The following LRP2BP variants were observed in gnomAD, a reference collection of about 807,000 sequenced individuals.
LRP2BP encodes the protein LRP2 binding protein.
Under a neutral mutation model 45.2 loss-of-function variants are expected in LRP2BP, and 38 were observed. The observed-to-expected ratio is 0.84, with a 90% CI of 0.65 to 1.10. LRP2BP has a LOEUF of 1.10. LRP2BP is among the 50% of genes least tolerant of loss of function. The pLI, the probability that LRP2BP is intolerant of heterozygous loss-of-function variation, is 0.00. For missense variants in LRP2BP, 385 were observed against 418.9 expected (o/e 0.92, Z 0.71); for synonymous variants, 153 against 153.9 (o/e 0.99, Z 0.04).
chr4:185,396,062 G>T, upstream of LRP2BP: 1 of 216,418 alleles, frequency 4.6e-6, no homozygotes. Flanking sequence ...GCACGCGGCC[G>T]GGTCCGCTCT....
At chr4:185,388,729 T>C (rs920197452) in intron 1 of LRP2BP, among the ~76,000 whole-genome samples, 1 of 152,206 alleles carries the variant, frequency 6.6e-6, no homozygotes, top group Admixed American at 6.5e-5. Flanking sequence ...TGTCTTTATA[T>C]TGTTTAAATG....
chr4:185,367,474 G>A (rs1303374692), intron 8 of LRP2BP, among the ~76,000 whole-genome samples: 1 of 152,062 alleles, frequency 6.6e-6, no homozygotes, highest in Admixed American at 6.5e-5. Flanking sequence ...TTTTATCAAT[G>A]CCAAGAATAA....
In LRP2BP at chr4:185,378,147, A is replaced by G. The variant is rs1298868802; in HGVS notation, c.40T>C (p.Tyr14His). 44 of 1,614,134 alleles carry G rather than the reference A, an allele frequency of 2.7e-5. No individual in the cohort carries two copies. The highest frequency in any genetic ancestry group is 3.6e-5 in the Non-Finnish European group (42 of 1,180,028). ...GCAGCATACTGAGATACAGAGGCATAAAAGGGGTTCTTGGGCAACTTTTCA... is the reference window on the plus strand; with the variant it reads ...GCAGCATACTGAGATACAGAGGCATGAAAGGGGTTCTTGGGCAACTTTTCA... ...TSEKLPKNPF[Y>H]ASVSQYAAKN... The change falls in exon 2 of 9, where the codon TAT becomes CAT. Residue 14 changes from tyrosine (Y) to histidine (H), a missense_variant. Coordinates refer to ENST00000505916, the MANE Select transcript of LRP2BP (RefSeq NM_001377440.1).
intron 4 of LRP2BP, 99 bp from the exon 5 acceptor site, chr4:185,374,560 C>T (rs900053151): frequency 3.3e-5 from 42 of 1,267,638 alleles, no homozygotes; most frequent in Middle Eastern, 2.4e-4. Context: ...CCCTCTGACA[C>T]GATGTATAAT....
rs189857540 is a variant in LRP2BP at position 185,368,582 on chromosome 4, C to A, written c.979-1337G>T. On this transcript the variant is annotated intron_variant, in intron 8 of 8. Coordinates refer to ENST00000505916, the MANE Select transcript of LRP2BP (RefSeq NM_001377440.1). ...GACCATTTCTGTTCCTCATATCATGCGTCATATGATATCATTCCAGACCCT... is the reference window on the plus strand; with the variant it reads ...GACCATTTCTGTTCCTCATATCATGAGTCATATGATATCATTCCAGACCCT... Among the ~76,000 whole-genome samples, 438 of 152,248 alleles carry A rather than the reference C, an allele frequency of 2.9e-3. 6 individuals are homozygous for A. Among genetic ancestry groups the A allele is most frequent in the African/African-American group, 0.01 (419 of 41,536 alleles).
In LRP2BP at chr4:185,365,860, T is replaced by C. The variant is rs542038517; in HGVS notation, c.*1320A>G. 7.2e-5 allele frequency: 11 copies of C among 152,074 alleles called. No homozygotes were observed. Among genetic ancestry groups the C allele is most frequent in the Non-Finnish European group, 1.6e-4 (11 of 67,980 alleles). The allele number at this position is 152,074 out of a possible 1,614,324, so 9.4% of individuals were successfully genotyped here. A position where few individuals can be genotyped will look rare whatever the true frequency, so the allele number is the denominator to read the frequency against. On this transcript the variant is annotated 3_prime_UTR_variant, in exon 9 of 9. Transcript: ENST00000505916. Reference sequence around the variant, plus strand: ...CATTTGAGGATATCTCAAACCCGAGTCTGTTGAAATTTCTTCCCTTACACA... The same window carrying C: ...CATTTGAGGATATCTCAAACCCGAGCCTGTTGAAATTTCTTCCCTTACACA...
At chr4:185,387,225 T>G (rs2126836282) in intron 1 of LRP2BP, among the ~76,000 whole-genome samples, 1 of 152,268 alleles carries the variant, frequency 6.6e-6, no homozygotes, top group African/African-American at 2.4e-5. Flanking sequence ...AGAGCGAGAC[T>G]CAGTCTCAAA....
At chr4:185,376,831 A>C (rs2126808258) in intron 3 of LRP2BP, 78 bp downstream of exon 3, 3 of 972,860 alleles carry the variant, frequency 3.1e-6, no homozygotes, top group Middle Eastern at 2.8e-4. Context: ...CACAGTAAGA[A>C]ACTCTACATG....
intron 5 of LRP2BP, 34 bp downstream of exon 5, chr4:185,374,285 C>T (rs1452297760): frequency 6.2e-7 from 1 of 1,613,968 alleles, no homozygotes; most frequent in African/African-American, 1.3e-5. Context: ...TCAGCATTTC[C>T]TTCAAACCTA....
chr4:185,368,264 A>G (rs1398394808), intron 8 of LRP2BP, among the ~76,000 whole-genome samples: 2 of 152,220 alleles, frequency 1.3e-5, no homozygotes, highest in African/African-American at 4.8e-5. Flanking sequence ...AGAATACATA[A>G]TGCTGGTTTC....
chr4:185,368,030 T>G (rs2095396610), intron 8 of LRP2BP, among the ~76,000 whole-genome samples: 1 of 151,818 alleles, frequency 6.6e-6, no homozygotes, highest in Non-Finnish European at 1.5e-5. Flanking sequence ...ATACAAAAAT[T>G]AGCCAGGCGT....
intron 1 of LRP2BP, among the ~76,000 whole-genome samples, chr4:185,391,410 C>T (rs2095488048): frequency 6.6e-6 from 1 of 152,154 alleles, no homozygotes; most frequent in South Asian, 2.1e-4. Context: ...TTCAAGAAGG[C>T]GTTGGAGGCG....
chr4:185,390,642 T>G (rs1033078584), intron 1 of LRP2BP: 2 of 152,198 alleles, frequency 1.3e-5, no homozygotes, highest in Non-Finnish European at 2.9e-5. Flanking sequence ...CCCAAGTGAC[T>G]GACATTCTAG....
rs1272671643 is a variant in LRP2BP, at chr4:185,395,328, T to C, written c.-571A>G. ...CTACATATGCTAACTGCAGTATTTA[T>C]GTTCAAAACTGTAAGAACGTGTCTG... On this transcript the variant is annotated 5_prime_UTR_variant, in exon 1 of 9. Coordinates refer to ENST00000505916, the MANE Select transcript of LRP2BP (RefSeq NM_001377440.1). 1.0e-6 allele frequency: 1 copy of C among 985,316 alleles called. No individual in the cohort carries two copies. Among genetic ancestry groups the C allele is most frequent in the Non-Finnish European group, 1.2e-6 (1 of 829,912 alleles). The allele number at this position is 985,316 out of a possible 1,614,324, so 61.0% of individuals were successfully genotyped here.
At chr4:185,388,834 A>C (rs1339955991) in intron 1 of LRP2BP, among the ~76,000 whole-genome samples, 1 of 152,064 alleles carries the variant, frequency 6.6e-6, no homozygotes, top group Non-Finnish European at 1.5e-5. Flanking sequence ...TGTTCCTAAG[A>C]GGAGAAAAAG....
At position 185,367,140 on chromosome 4, in the gene LRP2BP, G is replaced by A. The variant is rs2095390642; in HGVS notation, c.*40C>T. 1 of 1,483,376 alleles carries A rather than the reference G, an allele frequency of 6.7e-7. No individual in the cohort carries two copies. The highest frequency in any genetic ancestry group is 9.4e-7 in the Non-Finnish European group (1 of 1,066,350). The allele number at this position is 1,483,376 out of a possible 1,614,324, so 91.9% of individuals were successfully genotyped here. Reference sequence around the variant, plus strand: ...TACTGTAAAAATACACACATTGTGAGGTGTTAGCATTGATGATCTTTGTTG... The same window carrying A: ...TACTGTAAAAATACACACATTGTGAAGTGTTAGCATTGATGATCTTTGTTG... On this transcript the variant is annotated 3_prime_UTR_variant, in exon 9 of 9. Transcript: ENST00000505916.
At position 185,395,440 on chromosome 4, in the gene LRP2BP, T is replaced by G; in HGVS notation, c.-683A>C. ...ACGTGTTTTAAAAAGCAGTGCTTAT[T>G]GAATTGATAAACAAAAGCGAAACTG... is the stretch of plus-strand genomic sequence containing the variant. On this transcript the variant is annotated 5_prime_UTR_variant, in exon 1 of 9. Transcript: ENST00000505916. 1.0e-6 allele frequency: 1 copy of G among 985,476 alleles called. No homozygotes were observed. The highest frequency in any genetic ancestry group is 1.2e-6 in the Non-Finnish European group (1 of 829,930). 61.0% of individuals were successfully genotyped at this position (985,476 alleles called of 1,614,324 possible). A position where few individuals can be genotyped will look rare whatever the true frequency, so the allele number is the denominator to read the frequency against.
chr4:185,373,897 A>G (rs2095424425), intron 6 of LRP2BP, among the ~76,000 whole-genome samples: 1 of 152,156 alleles, frequency 6.6e-6, no homozygotes, highest in African/African-American at 2.4e-5. Context: ...CTCTTCTTTT[A>G]GCTTTGATAC....
intron 8 of LRP2BP, chr4:185,369,670 A>G: frequency 5.0e-6 from 2 of 399,746 alleles, no homozygotes; most frequent in South Asian, 3.8e-5. Context: ...TTATGTTTTA[A>G]TATGGCTTTG....
Sources: allele counts gnomAD v4.1 joint callset (sites outside exome capture counted in the v4.1 genomes callset), GRCh38; gene constraint gnomAD v4.1.1; transcripts MANE v1.5; gene names NCBI Gene and HGNC (gene_info 2026-07-23, HGNC 2026-07-21).